Variants in CNTNAP2 observed in about 807,000 individuals in gnomAD.
CNTNAP2 encodes the protein contactin associated protein 2.
Under a neutral mutation model 155.2 loss-of-function variants are expected in CNTNAP2, and 98 were observed. The observed-to-expected ratio is 0.63, with a 90% confidence interval of 0.54 to 0.75. The LOEUF is 0.75. CNTNAP2 is among the 30% of genes least tolerant of loss of function. CNTNAP2 has a pLI of 0.00. For synonymous variants in CNTNAP2, 651 were observed against 631.2 expected (o/e 1.03, Z -0.47); for missense variants, 1,727 against 1,688.1 (o/e 1.02, Z -0.40).
chr7:146,826,316 A>T (rs192351253), intron 2 of CNTNAP2, among the ~76,000 whole-genome samples: 2 of 152,264 alleles, frequency 1.3e-5, no homozygotes, highest in East Asian at 1.9e-4. Context: ...CTATTTTTAA[A>T]TTCACTTATT....
chr7:146,621,924 G>A (rs756837557), intron 1 of CNTNAP2, among the ~76,000 whole-genome samples: 6 of 151,728 alleles, frequency 4.0e-5, no homozygotes, highest in Non-Finnish European at 8.8e-5. Context: ...ACATTATTAT[G>A]GACACATGAA....
At chr7:148,012,033 G>A (rs1437943582) in intron 15 of CNTNAP2, among the ~76,000 whole-genome samples, 2 of 152,078 alleles carry the variant, frequency 1.3e-5, no homozygotes. Context: ...CCCAGTTAAG[G>A]GCCAGCTCAC....
At chr7:148,019,097 C>T (rs1410247877) in intron 15 of CNTNAP2, among the ~76,000 whole-genome samples, 1 of 152,204 alleles carries the variant, frequency 6.6e-6, no homozygotes, top group Non-Finnish European at 1.5e-5. Context: ...GCCCTGAATA[C>T]CTGCTGGATT....
intron 11 of CNTNAP2, among the ~76,000 whole-genome samples, chr7:147,494,486 A>AAAAAG: frequency 6.7e-6 from 1 of 149,490 alleles, no homozygotes; most frequent in Non-Finnish European, 1.5e-5. Flanking sequence ...AAAAAAAAAA[A>AAAAAG]GTTGATCTGC....
intron 15 of CNTNAP2, among the ~76,000 whole-genome samples, chr7:148,117,056 C>T (rs1427866514): frequency 2.0e-5 from 3 of 152,218 alleles, no homozygotes; most frequent in Non-Finnish European, 4.4e-5. Context: ...AGAGCCAACT[C>T]TTGATCCCAT....
At chr7:146,182,098 C>T (rs988174696) in intron 1 of CNTNAP2, among the ~76,000 whole-genome samples, 1 of 149,240 alleles carries the variant, frequency 6.7e-6, no homozygotes, top group African/African-American at 2.6e-5. Flanking sequence ...AGAAACAATA[C>T]TTTATTTAAT....
chr7:148,116,465 ATT>A (rs1804474342), intron 15 of CNTNAP2, among the ~76,000 whole-genome samples: 1 of 151,830 alleles, frequency 6.6e-6, no homozygotes, highest in East Asian at 1.9e-4. Context: ...CCACAAACAC[ATT>A]TCTCTCTCTC....
chr7:146,891,198 T>C (rs556319870), intron 3 of CNTNAP2, among the ~76,000 whole-genome samples: 3 of 152,204 alleles, frequency 2.0e-5, no homozygotes, highest in African/African-American at 7.2e-5. Context: ...AAGCATTGGG[T>C]ACACTTCAAC....
At chr7:146,426,432 CATTT>C (rs996873439) in intron 1 of CNTNAP2, among the ~76,000 whole-genome samples, 35 of 148,166 alleles carry the variant, frequency 2.4e-4, no homozygotes, top group Middle Eastern at 3.5e-3. Flanking sequence ...TATACACACA[CATTT>C]ATACACACAT....
intron 3 of CNTNAP2, among the ~76,000 whole-genome samples, chr7:146,936,472 G>C (rs141943280): frequency 6.6e-6 from 1 of 152,124 alleles, no homozygotes; most frequent in Non-Finnish European, 1.5e-5. Flanking sequence ...GTACATTTAC[G>C]ATGGTGATAG....
chr7:146,207,136 T>C (rs569027474), intron 1 of CNTNAP2, among the ~76,000 whole-genome samples: 1 of 152,062 alleles, frequency 6.6e-6, no homozygotes, highest in East Asian at 1.9e-4. Flanking sequence ...ACCTCCCTTT[T>C]CCAGTGGAGC....
chr7:146,966,095 T>C (rs547297892), intron 3 of CNTNAP2, among the ~76,000 whole-genome samples: 1 of 152,316 alleles, frequency 6.6e-6, no homozygotes, highest in African/African-American at 2.4e-5. Flanking sequence ...CCTCTCTAGT[T>C]GGGTCTAATA....
At chr7:147,034,875 AG>A (rs1289966408) in intron 3 of CNTNAP2, among the ~76,000 whole-genome samples, 3 of 152,202 alleles carry the variant, frequency 2.0e-5, no homozygotes, top group African/African-American at 7.2e-5. Context: ...TTGTAGGCAC[AG>A]GATGAAGGGT....
At chr7:147,809,145 G>A (rs992054139) in intron 13 of CNTNAP2, among the ~76,000 whole-genome samples, 7 of 152,160 alleles carry the variant, frequency 4.6e-5, no homozygotes, top group East Asian at 3.9e-4. Flanking sequence ...TTCCTGGGAC[G>A]AACCTAGATG....
intron 1 of CNTNAP2, among the ~76,000 whole-genome samples, chr7:146,515,534 G>T (rs1563115408): frequency 6.6e-6 from 1 of 151,980 alleles, no homozygotes; most frequent in African/African-American, 2.4e-5. Context: ...ATTTTGTGAA[G>T]GAGAGTGATG....
chr7:146,864,498 A>G (rs1795164976), intron 3 of CNTNAP2, among the ~76,000 whole-genome samples: 1 of 152,184 alleles, frequency 6.6e-6, no homozygotes. Flanking sequence ...AAACAATAGA[A>G]TATTATTGAT....
chr7:147,643,284 A>C (rs767675487), intron 13 of CNTNAP2: 3 of 152,212 alleles, frequency 2.0e-5, no homozygotes, highest in Non-Finnish European at 4.4e-5. Flanking sequence ...TGGCATAATA[A>C]AAATTTTAAA....
intron 9 of CNTNAP2, among the ~76,000 whole-genome samples, chr7:147,329,566 C>T (rs1416607548): frequency 6.6e-6 from 1 of 152,022 alleles, no homozygotes; most frequent in African/African-American, 2.4e-5. Context: ...CCTCATGGTG[C>T]AGGTGTAAGC....
intron 13 of CNTNAP2, among the ~76,000 whole-genome samples, chr7:147,884,096 A>C (rs932660680): frequency 1.6e-4 from 25 of 152,188 alleles, no homozygotes; most frequent in Admixed American, 1.6e-3. Context: ...AGGAGGATGA[A>C]AGGTCCTTGA....
Sources: gnomAD v4.1 joint callset for allele counts (sites outside exome capture counted in the v4.1 genomes callset) on GRCh38, gnomAD v4.1.1 for gene constraint, MANE v1.5 for transcripts, NCBI Gene and HGNC (gene_info 2026-07-23, HGNC 2026-07-21) for gene names.